The following PDGFC variants were observed in gnomAD, a reference collection of about 807,000 sequenced individuals.
PDGFC encodes platelet-derived growth factor C.
A neutral mutation model predicts 35.5 loss-of-function variants in PDGFC; 12 were observed. That is an observed-to-expected ratio of 0.34 (90% CI 0.22 to 0.55). The LOEUF is 0.55. Ranked by LOEUF, PDGFC falls within the 20% of genes least tolerant of loss-of-function variation. The pLI, the probability that PDGFC is intolerant of heterozygous loss-of-function variation, is 0.91. For synonymous variants in PDGFC, 159 were observed against 148.8 expected, an observed-to-expected ratio of 1.07 and a Z score of -0.50; for missense variants, 322 against 412.4, an observed-to-expected ratio of 0.78 and a Z score of 1.90.
intron 2 of PDGFC, among the ~76,000 whole-genome samples, chr4:156,830,095 A>C (rs2111018050): frequency 6.6e-6 from 1 of 152,304 alleles, no homozygotes; most frequent in Middle Eastern, 3.4e-3. Flanking sequence ...CATTTGTAGC[A>C]ATTTACTTAC....
intron 1 of PDGFC, among the ~76,000 whole-genome samples, chr4:156,885,415 T>C (rs1376550956): frequency 1.3e-5 from 2 of 152,246 alleles, no homozygotes; most frequent in Admixed American, 6.5e-5. Flanking sequence ...TTTTGTAGAC[T>C]ATAATAATTC....
At chr4:156,788,149 C>T (rs1005655855) in intron 3 of PDGFC, among the ~76,000 whole-genome samples, 2 of 151,918 alleles carry the variant, frequency 1.3e-5, no homozygotes, top group Admixed American at 6.6e-5. Flanking sequence ...CCAATAATCT[C>T]GGACAAGGAG....
At chr4:156,874,120 T>A (rs1487659647) in intron 1 of PDGFC, 1 of 152,138 alleles carries the variant, frequency 6.6e-6, no homozygotes, top group East Asian at 1.9e-4. Context: ...ATACTAGACA[T>A]AAAGTATTTT....
chr4:156,970,931 A>T lies in PDGFC; in HGVS notation c.-28T>A. 6.8e-7 allele frequency: 1 copy of T among 1,466,242 alleles called. No individual in the cohort carries two copies. The highest frequency in any genetic ancestry group is 9.5e-7 in the Non-Finnish European group (1 of 1,047,824). 90.8% of individuals were successfully genotyped at this position (1,466,242 alleles called of 1,614,324 possible). A position where few individuals can be genotyped will look rare whatever the true frequency, so the allele number is the denominator to read the frequency against. ...GGCTGACTGGGGTGAGAGCTCACTC[A>T]CGGCGGGCACTTTGGAAGCAGCGAC... is the stretch of plus-strand genomic sequence containing the variant. On this transcript the variant is annotated 5_prime_UTR_variant, in exon 1 of 6. Transcript: ENST00000502773.
intron 1 of PDGFC, among the ~76,000 whole-genome samples, chr4:156,970,206 TAAGGACTTCAGAGTACAAAGGC>T: frequency 1.3e-5 from 2 of 152,202 alleles, no homozygotes; most frequent in Admixed American, 1.3e-4. Flanking sequence ...ACCAGAAAGG[TAAGGACTTCAGAGTACAAAGGC>T]AAGTTTAAAA....
At chr4:156,882,455 C>T (rs1022028212) in intron 1 of PDGFC, among the ~76,000 whole-genome samples, 1 of 152,124 alleles carries the variant, frequency 6.6e-6, no homozygotes, top group African/African-American at 2.4e-5. Flanking sequence ...CTTAAACTTA[C>T]ATTTAATGTT....
At chr4:156,933,835 G>A (rs887657621) in intron 1 of PDGFC, among the ~76,000 whole-genome samples, 1 of 152,112 alleles carries the variant, frequency 6.6e-6, no homozygotes, top group African/African-American at 2.4e-5. Context: ...CTACCACCAT[G>A]TAAGACGTGC....
chr4:156,935,628 C>CA lies in PDGFC; in HGVS notation c.118+35157dup, dbSNP rs1186921155. On this transcript the variant is annotated intron_variant, in intron 1 of 5. Transcript: ENST00000502773. ...TTGACCAAAACATGGTTATGCAGCACATGACTATATATTAAATAAGATGTC... is the reference window on the plus strand; with the variant it reads ...TTGACCAAAACATGGTTATGCAGCACAATGACTATATATTAAATAAGATGTC... Among the ~76,000 whole-genome samples, 6 of 152,268 alleles carry CA rather than the reference C, an allele frequency of 3.9e-5. No homozygotes were observed. The South Asian group carries it at 1.0e-3, about 26-fold the overall frequency.
intron 1 of PDGFC, among the ~76,000 whole-genome samples, chr4:156,865,701 C>G (rs1297493581): frequency 6.6e-6 from 1 of 152,086 alleles, no homozygotes; most frequent in African/African-American, 2.4e-5. Context: ...TGAACCCCAC[C>G]AGGGAGGAAG....
At chr4:156,936,224 T>C (rs76638969) in intron 1 of PDGFC, among the ~76,000 whole-genome samples, 2,100 of 152,288 alleles carry the variant, frequency 0.014, 47 homozygotes, top group African/African-American at 0.046. Context: ...AAAAAGTATC[T>C]TTCTTCAGGT....
At chr4:156,963,243 G>A (rs928482078) in intron 1 of PDGFC, among the ~76,000 whole-genome samples, 3 of 152,020 alleles carry the variant, frequency 2.0e-5, no homozygotes, top group African/African-American at 7.3e-5. Context: ...CGAGGTGGAA[G>A]GATCACTTGA....
chr4:156,948,412 A>C (rs1007390182), intron 1 of PDGFC, among the ~76,000 whole-genome samples: 1 of 151,832 alleles, frequency 6.6e-6, no homozygotes, highest in African/African-American at 2.4e-5. Flanking sequence ...ATCCACATCG[A>C]GCTCTGGGAT....
chr4:156,961,978 G>A (rs938219168), intron 1 of PDGFC, among the ~76,000 whole-genome samples: 1 of 152,102 alleles, frequency 6.6e-6, no homozygotes, highest in African/African-American at 2.4e-5. Flanking sequence ...CCTGATGACT[G>A]AAAAACATTC....
At chr4:156,905,756 G>A (rs1354940363) in intron 1 of PDGFC, among the ~76,000 whole-genome samples, 5 of 151,956 alleles carry the variant, frequency 3.3e-5, no homozygotes, top group Non-Finnish European at 7.4e-5. Flanking sequence ...AGAGTTTGAA[G>A]GGCTCAGCTT....
rs539908976 is a variant in PDGFC at position 156,898,139 on chromosome 4, G to A, written c.119-47723C>T. ...TGGAGGCCTCATGAAGGCAATTAATGTCTGAATAAAAGAAACCCAGAGAGC... is the reference window on the plus strand; with the variant it reads ...TGGAGGCCTCATGAAGGCAATTAATATCTGAATAAAAGAAACCCAGAGAGC... On this transcript the variant is annotated intron_variant, in intron 1 of 5. Coordinates refer to ENST00000502773, the MANE Select transcript of PDGFC (RefSeq NM_016205.3). Among the ~76,000 whole-genome samples the A allele has an allele frequency of 3.9e-5, 6 of 152,236 alleles. No homozygotes were observed. In the East Asian group the frequency reaches 7.7e-4, roughly 20 times the overall value.
At chr4:156,787,737 GACAA>G (rs1309381731) in intron 3 of PDGFC, among the ~76,000 whole-genome samples, 1 of 152,122 alleles carries the variant, frequency 6.6e-6, no homozygotes, top group Non-Finnish European at 1.5e-5. Flanking sequence ...GAGTAAGGAA[GACAA>G]ACAATGTTCG....
chr4:156,832,970 T>C (rs890993120), intron 2 of PDGFC, among the ~76,000 whole-genome samples: 1 of 152,198 alleles, frequency 6.6e-6, no homozygotes, highest in Admixed American at 6.5e-5. Flanking sequence ...GTTTGGTTCA[T>C]ATGGATCTGT....
chr4:156,803,838 A>C (rs1731682055), intron 3 of PDGFC, among the ~76,000 whole-genome samples: 1 of 152,162 alleles, frequency 6.6e-6, no homozygotes, highest in Non-Finnish European at 1.5e-5. Context: ...AGAATGAATG[A>C]ATATCTATTC....
Position 156,767,809 on chromosome 4 carries a change from T to C in PDGFC, c.885A>G (p.Gln295=), listed in dbSNP as rs145884358. The change falls in exon 5 of 6, where the codon CAA becomes CAG. Residue 295 remains glutamine, a synonymous_variant. Transcript: ENST00000502773. ...ACCLHNCNEC[Q]CVPSKVTKKY... is the part of the protein sequence containing the mutation. ...TTTTAGTAACTTTGCTTGGGACACA[T>C]TGACATTCATTGCAATTGTGGAGAC... 2.5e-6 allele frequency: 4 copies of C among 1,613,064 alleles called. No individual in the cohort carries two copies. Among genetic ancestry groups the C allele is most frequent in the African/African-American group, 1.3e-5 (1 of 74,988 alleles).
Sources: allele counts gnomAD v4.1 joint callset (sites outside exome capture counted in the v4.1 genomes callset), GRCh38; gene constraint gnomAD v4.1.1; transcripts MANE v1.5; gene names NCBI Gene and HGNC (gene_info 2026-07-23, HGNC 2026-07-21).